PPM1D: variants seen among roughly 807,000 people sequenced by gnomAD.
PPM1D encodes the protein protein phosphatase, Mg2+/Mn2+ dependent 1D, also known as protein phosphatase 1D.
Under a neutral mutation model 58.3 loss-of-function variants are expected in PPM1D, and 52 were observed. The ratio of observed to expected loss-of-function variants is 0.89; its 90% CI spans 0.71 to 1.12. The LOEUF (loss-of-function observed/expected upper bound fraction) is 1.12, where lower values mean the gene tolerates loss of function less well. Among genes scored for constraint, PPM1D ranks in the 50% most tolerant of loss-of-function variants. The pLI, the probability that PPM1D is intolerant of heterozygous loss-of-function variation, is 0.00. For missense variants in PPM1D, 564 were observed against 777.2 expected (o/e 0.73, Z 3.26); for synonymous variants, 278 against 285.1 (o/e 0.98, Z 0.25).
intron 4 of PPM1D, among the ~76,000 whole-genome samples, chr17:60,648,380 T>C (rs1212772463): frequency 6.7e-6 from 1 of 149,446 alleles, no homozygotes; most frequent in East Asian, 1.9e-4. Flanking sequence ...TACCATAAAA[T>C]TTATCGTTTT....
At chr17:60,645,498 GTA>G (rs372803601) in intron 3 of PPM1D, among the ~76,000 whole-genome samples, 49 of 130,212 alleles carry the variant, frequency 3.8e-4, no homozygotes, top group African/African-American at 5.7e-4. Flanking sequence ...GTGTGTATGT[GTA>G]TATATATATG....
At chr17:60,606,440 A>G (rs1368086197) in intron 1 of PPM1D, among the ~76,000 whole-genome samples, 4 of 152,154 alleles carry the variant, frequency 2.6e-5, no homozygotes, top group Admixed American at 2.6e-4. Flanking sequence ...TCATATGGTA[A>G]TTCTATGTTT....
chr17:60,663,378 G>GCC lies in PPM1D; in HGVS notation c.1644_1645insCC (p.Lys549ProfsTer8). ...AGTCCAATTCTGGCCCCCTGATGAA[G>GCC]AAGCATAGACGAAATGGCTTAAGTC... is the stretch of plus-strand genomic sequence containing the variant. On this transcript the variant is annotated frameshift_variant, in exon 6 of 6. Coordinates refer to ENST00000305921, the MANE Select transcript of PPM1D (RefSeq NM_003620.4). LOFTEE classifies it high-confidence loss of function. 6.2e-7 allele frequency: 1 copy of GCC among 1,614,182 alleles called. No homozygotes were observed.
rs73990933 is a variant in PPM1D at position 60,657,389 on chromosome 17, A to G, written c.1260+548A>G. On this transcript the variant is annotated intron_variant, in intron 5 of 5. Transcript: ENST00000305921. ...AATAAGCAAATTTTAAGTAGATATC[A>G]TACTTTTTTGATTTACTAAGAACTC... Among the ~76,000 whole-genome samples, 817 of 152,344 alleles carry G rather than the reference A, an allele frequency of 5.4e-3. 4 individuals carry two copies. The highest frequency in any genetic ancestry group is 0.019 in the African/African-American group (789 of 41,582).
At position 60,665,667 on chromosome 17, in the gene PPM1D, T is replaced by C. The variant is rs1488913643; in HGVS notation, c.*2115T>C. 1 of 152,192 alleles carries C rather than the reference T, an allele frequency of 6.6e-6. No individual in the cohort carries two copies. Among genetic ancestry groups the C allele is most frequent in the African/African-American group, 2.4e-5 (1 of 41,458 alleles). The allele number at this position is 152,192 out of a possible 1,614,324, so 9.4% of individuals were successfully genotyped here. A position where few individuals can be genotyped will look rare whatever the true frequency, so the allele number is the denominator to read the frequency against. On this transcript the variant is annotated 3_prime_UTR_variant, in exon 6 of 6. Coordinates refer to ENST00000305921, the MANE Select transcript of PPM1D (RefSeq NM_003620.4). ...ATTTAGCAGTTTAAAACAACAAATA[T>C]TATCTCCAGTTTCTGAGCCTCAGAA...
In PPM1D at chr17:60,621,337, A is replaced by G. The variant is rs528007801; in HGVS notation, c.473-2184A>G. On this transcript the variant is annotated intron_variant, in intron 1 of 5. Transcript: ENST00000305921. ...TTCATTCTTTTGCATGTGGATATCC[A>G]GGTTTTCCAGTGCCATTTATTGAAG... Among the ~76,000 whole-genome samples the G allele has an allele frequency of 2.5e-3, 386 of 152,276 alleles. 3 individuals are homozygous for G. The highest frequency in any genetic ancestry group is 8.8e-3 in the African/African-American group (365 of 41,550).
chr17:60,649,102 C>A (rs2031299945), intron 4 of PPM1D, among the ~76,000 whole-genome samples: 1 of 151,608 alleles, frequency 6.6e-6, no homozygotes, highest in Admixed American at 6.6e-5. Flanking sequence ...TTTTTTTCCC[C>A]CCAAGAGATG....
At chr17:60,611,847 T>G (rs2030461935) in intron 1 of PPM1D, among the ~76,000 whole-genome samples, 1 of 152,204 alleles carries the variant, frequency 6.6e-6, no homozygotes, top group Non-Finnish European at 1.5e-5. Context: ...TTATGTAATT[T>G]TATTAATCAT....
At chr17:60,637,609 A>C (rs1408173488) in intron 3 of PPM1D, among the ~76,000 whole-genome samples, 6 of 152,208 alleles carry the variant, frequency 3.9e-5, no homozygotes, top group Non-Finnish European at 7.4e-5. Context: ...TCTAGGGTGG[A>C]GCTTTCAATT....
chr17:60,618,025 T>C (rs1313878087), intron 1 of PPM1D, among the ~76,000 whole-genome samples: 1 of 152,258 alleles, frequency 6.6e-6, no homozygotes, highest in African/African-American at 2.4e-5. Context: ...GATGGTTGTT[T>C]TTGAAGAAAG....
rs1216259341 is a variant in PPM1D, at chr17:60,600,402, C to A, written c.-13C>A. On this transcript the variant is annotated 5_prime_UTR_variant, in exon 1 of 6. Coordinates refer to ENST00000305921, the MANE Select transcript of PPM1D (RefSeq NM_003620.4). ...GGGCTGCGTGGGACCGGCGGGATCC[C>A]GGCCAGCCGGCCATGGCGGGGCTGT... 3 of 1,541,286 alleles carry A rather than the reference C, an allele frequency of 1.9e-6. No homozygotes were observed. In the South Asian group the frequency reaches 3.6e-5, roughly 18 times the overall value.
chr17:60,628,138 G>A (rs1193011462), intron 2 of PPM1D, among the ~76,000 whole-genome samples: 1 of 152,180 alleles, frequency 6.6e-6, no homozygotes, highest in Non-Finnish European at 1.5e-5. Flanking sequence ...GTGAGCCACT[G>A]CTCCCGGCCC....
At position 60,600,317 on chromosome 17, in the gene PPM1D, C is replaced by G; in HGVS notation, c.-98C>G. Reference sequence around the variant, plus strand: ...GCCCCCTCCCCCTTCTCGGCGTCGTCGAAGATAAACAATAGTTGGCCGGCG... The same window carrying G: ...GCCCCCTCCCCCTTCTCGGCGTCGTGGAAGATAAACAATAGTTGGCCGGCG... On this transcript the variant is annotated 5_prime_UTR_variant, in exon 1 of 6. Coordinates refer to ENST00000305921, the MANE Select transcript of PPM1D (RefSeq NM_003620.4). The G allele has an allele frequency of 4.1e-6, 6 of 1,474,348 alleles. No homozygotes were observed. Among genetic ancestry groups the G allele is most frequent in the South Asian group, 3.9e-5 (3 of 77,860 alleles). 91.3% of individuals were successfully genotyped at this position (1,474,348 alleles called of 1,614,324 possible). A position where few individuals can be genotyped will look rare whatever the true frequency, so the allele number is the denominator to read the frequency against.
intron 1 of PPM1D, among the ~76,000 whole-genome samples, chr17:60,602,832 G>A (rs1222885833): frequency 6.9e-6 from 1 of 144,654 alleles, no homozygotes; most frequent in Admixed American, 7.0e-5. Flanking sequence ...TCTTGACAAA[G>A]GAAACGAAGG....
At chr17:60,636,817 AG>A (rs1293825312) in intron 3 of PPM1D, among the ~76,000 whole-genome samples, 1 of 152,020 alleles carries the variant, frequency 6.6e-6, no homozygotes, top group Non-Finnish European at 1.5e-5. Context: ...CTGGGGCTAC[AG>A]GTGCATGCCA....
At chr17:60,628,661 A>G (rs1393933048) in intron 2 of PPM1D, among the ~76,000 whole-genome samples, 1 of 152,176 alleles carries the variant, frequency 6.6e-6, no homozygotes, top group Non-Finnish European at 1.5e-5. Flanking sequence ...GTAATATACT[A>G]GGTCACTGAG....
rs886725153 is a variant in PPM1D at position 60,639,111 on chromosome 17, GA to G, written c.826+5143del. 1.7e-4 allele frequency among the ~76,000 whole-genome samples: 26 copies of G among 151,078 alleles called. 1 individual carries two copies. In the East Asian group the frequency reaches 4.7e-3, roughly 27 times the overall value. ...ATTCATCAGATGATAACAAAAAACT[GA>G]AAAAAAAATTATTTTTTTTTGAGAC... On this transcript the variant is annotated intron_variant, in intron 3 of 5. Coordinates refer to ENST00000305921, the MANE Select transcript of PPM1D (RefSeq NM_003620.4).
chr17:60,645,890 C>A (rs1163608655), intron 3 of PPM1D, among the ~76,000 whole-genome samples: 4 of 151,782 alleles, frequency 2.6e-5, no homozygotes, highest in Non-Finnish European at 5.9e-5. Flanking sequence ...TACTTGTAAT[C>A]CCAGCACTTT....
Position 60,600,449 on chromosome 17 carries a change from T to C in PPM1D, c.35T>C (p.Phe12Ser). Residue 12 changes from phenylalanine to serine, a missense_variant, in exon 1 of 6, where the codon TTC becomes TCC. Coordinates refer to ENST00000305921, the MANE Select transcript of PPM1D (RefSeq NM_003620.4). ...AGLYSLGVSV[F>S]SDQGGRKYME... ...CTGTACTCGCTGGGAGTGAGCGTCTTCTCCGACCAGGGCGGGAGGAAGTAC... is the reference window on the plus strand; with the variant it reads ...CTGTACTCGCTGGGAGTGAGCGTCTCCTCCGACCAGGGCGGGAGGAAGTAC... 6.4e-7 allele frequency: 1 copy of C among 1,563,578 alleles called. No individual in the cohort carries two copies. Among genetic ancestry groups the C allele is most frequent in the South Asian group, 1.2e-5 (1 of 85,070 alleles).
Sources: allele counts gnomAD v4.1 joint callset (sites outside exome capture counted in the v4.1 genomes callset), GRCh38; gene constraint gnomAD v4.1.1; transcripts MANE v1.5; gene names NCBI Gene and HGNC (gene_info 2026-07-23, HGNC 2026-07-21).